The following PPIH variants were observed in gnomAD, a reference collection of about 807,000 sequenced individuals.
PPIH encodes the protein peptidylprolyl isomerase H, also known as peptidyl-prolyl cis-trans isomerase H.
PPIH carries 16 observed loss-of-function variants against 27.6 expected under a neutral mutation model. The observed-to-expected ratio is 0.58, with a 90% CI of 0.39 to 0.88. The LOEUF (loss-of-function observed/expected upper bound fraction) is 0.88. Among genes scored for constraint, PPIH ranks in the 40% least tolerant of loss-of-function variants. The pLI is 0.00. For synonymous variants in PPIH, 63 were observed against 76.1 expected, an observed-to-expected ratio of 0.83 and a Z score of 0.90; for missense variants, 155 against 224.1, an observed-to-expected ratio of 0.69 and a Z score of 1.97.
chr1:42,661,944 A>G (rs982599607), intron 5 of PPIH, among the ~76,000 whole-genome samples: 2 of 152,146 alleles, frequency 1.3e-5, no homozygotes, highest in African/African-American at 4.8e-5. Context: ...GGAATCAAGG[A>G]ACTGGTCCCT....
At chr1:42,671,296 C>T (rs558478097) in intron 9 of PPIH, among the ~76,000 whole-genome samples, 1 of 152,128 alleles carries the variant, frequency 6.6e-6, no homozygotes, top group Non-Finnish European at 1.5e-5. Context: ...GGCGTGATGA[C>T]ACACGCCTGT....
Position 42,667,338 on chromosome 1 carries a change from C to T in PPIH, c.466-13C>T. ...CCTGAGTGGATGAATCTCCATTGTG[C>T]TTTTTTTCCTAGAATGTTCCCACAG... On this transcript the variant is annotated splice_polypyrimidine_tract_variant and intron_variant, in intron 8 of 9. Transcript: ENST00000304979. 1 of 1,589,830 alleles carries T rather than the reference C, an allele frequency of 6.3e-7. No homozygotes were observed. Among genetic ancestry groups the T allele is most frequent in the Non-Finnish European group, 8.6e-7 (1 of 1,158,164 alleles).
chr1:42,679,433 G>A (rs888838395), downstream of PPIH, among the ~76,000 whole-genome samples: 2 of 152,138 alleles, frequency 1.3e-5, no homozygotes, highest in African/African-American at 2.4e-5. Flanking sequence ...CAAGTGATCC[G>A]CCTGCCTCGG....
intron 5 of PPIH, among the ~76,000 whole-genome samples, chr1:42,662,272 T>G (rs1649078491): frequency 6.6e-6 from 1 of 152,212 alleles, no homozygotes; most frequent in African/African-American, 2.4e-5. Flanking sequence ...CAATTGCTGG[T>G]AGGGCTCACA....
chr1:42,667,684 T>C (rs1649416966), intron 9 of PPIH, among the ~76,000 whole-genome samples: 1 of 152,192 alleles, frequency 6.6e-6, no homozygotes, highest in Non-Finnish European at 1.5e-5. Context: ...GCACTTTACT[T>C]TTCTATCACT....
At chr1:42,661,095 C>T (rs3768026) in intron 5 of PPIH, 191 bp downstream of exon 5, 7 of 561,256 alleles carry the variant, frequency 1.2e-5, no homozygotes, top group East Asian at 1.2e-4. Flanking sequence ...TGTAGATAAC[C>T]GACTTTAGCA....
chr1:42,665,952 T>TA (rs1649308885), intron 6 of PPIH, 28 bp from the exon 7 acceptor site: 5 of 1,591,338 alleles, frequency 3.1e-6, no homozygotes, highest in African/African-American at 2.7e-5. Context: ...CGGGGAAACT[T>TA]ACTGCAGGTA....
At chr1:42,677,940 T>C (rs1649936759), downstream of PPIH, among the ~76,000 whole-genome samples, 1 of 152,240 alleles carries the variant, frequency 6.6e-6, no homozygotes, top group South Asian at 2.1e-4. Flanking sequence ...TCTTAACTAC[T>C]GGCAGCAAGA....
chr1:42,672,705 G>A (rs1649703145), intron 9 of PPIH, among the ~76,000 whole-genome samples: 2 of 151,922 alleles, frequency 1.3e-5, no homozygotes, highest in Admixed American at 1.3e-4. Context: ...GGAGTGCAGT[G>A]GCACGATCTC....
chr1:42,676,498 T>A (rs945422956), intron 9 of PPIH, 86 bp from the exon 10 acceptor site: 2 of 151,298 alleles, frequency 1.3e-5, no homozygotes, highest in Non-Finnish European at 2.9e-5. Flanking sequence ...CTGGGAGCAT[T>A]GTCTCATATG....
rs778293877 is a variant in PPIH at position 42,666,072 on chromosome 1, G to A, written c.424+5G>A. 2.5e-6 allele frequency: 4 copies of A among 1,613,428 alleles called. No homozygotes were observed. The highest frequency in any genetic ancestry group is 3.4e-6 in the Non-Finnish European group (4 of 1,179,468). ...ATGGGAAGCATGTGGTGTTTGGTAAGTCCTACTCCTGTCTCATGGTCCAGG... is the reference window on the plus strand; with the variant it reads ...ATGGGAAGCATGTGGTGTTTGGTAAATCCTACTCCTGTCTCATGGTCCAGG... On this transcript the variant is annotated splice_donor_5th_base_variant and intron_variant, in intron 7 of 9. Coordinates refer to ENST00000304979, the MANE Select transcript of PPIH (RefSeq NM_006347.4).
At chr1:42,668,308 T>G (rs1426864231) in intron 9 of PPIH, among the ~76,000 whole-genome samples, 1 of 152,128 alleles carries the variant, frequency 6.6e-6, no homozygotes, top group Non-Finnish European at 1.5e-5. Flanking sequence ...TGTTTTTTTC[T>G]TTCCCTTCTT....
At chr1:42,670,980 G>C (rs1183617235) in intron 9 of PPIH, among the ~76,000 whole-genome samples, 2 of 152,046 alleles carry the variant, frequency 1.3e-5, no homozygotes, top group Non-Finnish European at 2.9e-5. Context: ...ATTTTTAGTA[G>C]AGACGGGGTT....
downstream of PPIH, among the ~76,000 whole-genome samples, chr1:42,678,410 T>C (rs1649949022): frequency 6.6e-6 from 1 of 152,120 alleles, no homozygotes; most frequent in African/African-American, 2.4e-5. Context: ...TTTTTTGTTT[T>C]TCGTTTTGAG....
chr1:42,664,497 T>C (rs1229176660), intron 5 of PPIH, among the ~76,000 whole-genome samples: 1 of 152,188 alleles, frequency 6.6e-6, no homozygotes, highest in African/African-American at 2.4e-5. Flanking sequence ...TGGTAGTCAC[T>C]TAAGTGGGTA....
intron 4 of PPIH, 112 bp from the exon 5 acceptor site, chr1:42,660,750 A>G: frequency 1.0e-6 from 1 of 973,312 alleles, no homozygotes; most frequent in Non-Finnish European, 1.5e-6. Flanking sequence ...ATTTTATAAT[A>G]GCCAAAGTGA....
intron 9 of PPIH, among the ~76,000 whole-genome samples, chr1:42,670,738 A>C (rs1224265126): frequency 6.6e-6 from 1 of 152,182 alleles, no homozygotes; most frequent in Non-Finnish European, 1.5e-5. Flanking sequence ...TGACAACGGA[A>C]CACTTAAAAT....
At chr1:42,680,579 G>A (rs1279649146), downstream of PPIH, among the ~76,000 whole-genome samples, 1 of 152,200 alleles carries the variant, frequency 6.6e-6, no homozygotes, top group South Asian at 2.1e-4. Context: ...GTCATGATCA[G>A]ATAGATGTTC....
intron 3 of PPIH, 41 bp downstream of exon 3, chr1:42,659,292 G>A: frequency 6.2e-7 from 1 of 1,614,222 alleles, no homozygotes; most frequent in Non-Finnish European, 8.5e-7. Context: ...CTGCTCCAGA[G>A]GGGTGTTCTG....
Sources: allele counts gnomAD v4.1 joint callset (sites outside exome capture counted in the v4.1 genomes callset), GRCh38; gene constraint gnomAD v4.1.1; transcripts MANE v1.5; gene names NCBI Gene and HGNC (gene_info 2026-07-23, HGNC 2026-07-21).